Variants in NCOR1 observed in about 807,000 individuals in gnomAD.
NCOR1 encodes the protein protein phosphatase 1, regulatory subunit 109.
A neutral mutation model predicts 288.1 loss-of-function variants in NCOR1; 63 were observed. That is an observed-to-expected ratio of 0.22 (90% CI 0.18 to 0.27). The LOEUF (loss-of-function observed/expected upper bound fraction) is 0.27. Among genes scored for constraint, NCOR1 ranks in the 10% least tolerant of loss-of-function variants. The probability of loss-of-function intolerance (pLI) is 1.00; values close to 1 mark genes in which losing one functional copy is unlikely to be tolerated. For synonymous variants in NCOR1, 1,007 were observed against 1,065.9 expected (o/e 0.94, Z 1.08); for missense variants, 2,397 against 3,019.2 (o/e 0.79, Z 4.83).
At chr17:16,080,105 C>T in intron 25 of NCOR1, 41 bp from the exon 26 acceptor site, 1 of 1,545,344 alleles carries the variant, frequency 6.5e-7, no homozygotes, top group Non-Finnish European at 8.9e-7. Flanking sequence ...CACCCCCAGC[C>T]CCTGCCCCAA....
chr17:16,172,661 T>C (rs767265239), intron 3 of NCOR1, among the ~76,000 whole-genome samples: 4 of 152,178 alleles, frequency 2.6e-5, no homozygotes, highest in African/African-American at 4.8e-5. Context: ...AAATCCAACA[T>C]TGCTTCTAAA....
At chr17:16,072,900 AT>A (rs1347801268) in intron 28 of NCOR1, among the ~76,000 whole-genome samples, 1 of 152,226 alleles carries the variant, frequency 6.6e-6, no homozygotes, top group African/African-American at 2.4e-5. Flanking sequence ...TACTGAAGCC[AT>A]ATCACATGAG....
chr17:16,070,094 T>C lies in NCOR1; in HGVS notation c.4513+71A>G. On this transcript the variant is annotated intron_variant, in intron 31 of 45. Transcript: ENST00000268712. ...AAGCTGACAATTTGATATTTACTAC[T>C]TGACAAAGGTTTTTTTTTTTTTTTT... is the stretch of plus-strand genomic sequence containing the variant. The C allele has an allele frequency of 2.0e-6, 3 of 1,489,144 alleles. No individual in the cohort carries two copies. In the South Asian group the frequency reaches 4.1e-5, roughly 21 times the overall value. 92.2% of individuals were successfully genotyped at this position (1,489,144 alleles called of 1,614,324 possible).
At chr17:16,160,563 G>A (rs1011386457) in intron 5 of NCOR1, among the ~76,000 whole-genome samples, 15 of 152,116 alleles carry the variant, frequency 9.9e-5, no homozygotes, top group East Asian at 7.7e-4. Flanking sequence ...AGGCCAAGAC[G>A]GTAGATCACT....
chr17:16,208,854 G>T (rs1262696121), intron 1 of NCOR1, among the ~76,000 whole-genome samples: 6 of 151,822 alleles, frequency 4.0e-5, no homozygotes, highest in Non-Finnish European at 5.9e-5. Flanking sequence ...AAAAAAAAAA[G>T]AAATATTTTG....
intron 14 of NCOR1, among the ~76,000 whole-genome samples, chr17:16,136,212 G>C (rs1350236496): frequency 6.6e-6 from 1 of 152,100 alleles, no homozygotes; most frequent in Non-Finnish European, 1.5e-5. Flanking sequence ...GGAGACAGAG[G>C]TCTTGCTCTG....
chr17:16,031,330 G>A lies in NCOR1; in HGVS notation c.*966C>T, dbSNP rs1971947913. The A allele has an allele frequency of 5.3e-6, 1 of 189,836 alleles. No individual in the cohort carries two copies. The highest frequency in any genetic ancestry group is 1.9e-4 in the South Asian group (1 of 5,148). The allele number at this position is 189,836 out of a possible 1,614,324, so 11.8% of individuals were successfully genotyped here. The stretch of plus-strand genomic sequence containing the variant: ...CCAACCAATCATATATTCAAACTAA[G>A]GGAAAAATATGTAAGCTTTTCCTTT... On this transcript the variant is annotated 3_prime_UTR_variant, in exon 46 of 46. Coordinates refer to ENST00000268712, the MANE Select transcript of NCOR1 (RefSeq NM_006311.4).
intron 18 of NCOR1, among the ~76,000 whole-genome samples, chr17:16,116,375 G>A (rs1030595519): frequency 3.3e-5 from 5 of 152,148 alleles, no homozygotes; most frequent in African/African-American, 7.2e-5. Flanking sequence ...AACAACTATC[G>A]CATTTGCTAT....
chr17:16,187,805 T>C (rs2087004175), intron 2 of NCOR1, among the ~76,000 whole-genome samples: 1 of 150,470 alleles, frequency 6.6e-6, no homozygotes, highest in South Asian at 2.1e-4. Context: ...TAGGCTAAGG[T>C]GGGAGGCTTG....
intron 16 of NCOR1, among the ~76,000 whole-genome samples, chr17:16,119,985 AAAAACAAAAC>A (rs917191086): frequency 2.0e-3 from 303 of 152,286 alleles, no homozygotes; most frequent in Non-Finnish European, 3.2e-3. Context: ...GCTTCAGGAA[AAAAACAAAAC>A]AAAACAAAAC....
At chr17:16,201,539 A>T (rs2090809109) in intron 1 of NCOR1, among the ~76,000 whole-genome samples, 1 of 152,192 alleles carries the variant, frequency 6.6e-6, no homozygotes, top group East Asian at 1.9e-4. Context: ...CAGAGGTTGC[A>T]GTGAGACAAG....
intron 11 of NCOR1, among the ~76,000 whole-genome samples, chr17:16,141,956 T>C (rs1294813748): frequency 6.6e-6 from 1 of 152,166 alleles, no homozygotes; most frequent in Non-Finnish European, 1.5e-5. Flanking sequence ...AAAACAGCCA[T>C]TAATTATAGC....
At chr17:16,077,450 AAGGAGAGGAGAGGGGAGGAGAGGGG>A (rs2062644731) in intron 26 of NCOR1, among the ~76,000 whole-genome samples, 2 of 99,804 alleles carry the variant, frequency 2.0e-5, no homozygotes, top group Non-Finnish European at 4.3e-5. Flanking sequence ...AAGGAAAGGG[AAGGAGAGGAGAGGGGAGGAGAGGGG>A]AGGAGAGGGG....
At chr17:16,134,956 G>A (rs1177129966) in intron 14 of NCOR1, among the ~76,000 whole-genome samples, 1 of 152,006 alleles carries the variant, frequency 6.6e-6, no homozygotes, top group Non-Finnish European at 1.5e-5. Context: ...TCAGGAGATC[G>A]AGACCATCCT....
rs559075378 is a variant in NCOR1, at chr17:16,120,270, C to T, written c.1852+782G>A. ...CTGTCTAAACTGACCTCCACAATTGCTATCAGTTAACTTCCAAAGACACAA... is the reference window on the plus strand; with the variant it reads ...CTGTCTAAACTGACCTCCACAATTGTTATCAGTTAACTTCCAAAGACACAA... On this transcript the variant is annotated intron_variant, in intron 16 of 45. Transcript: ENST00000268712. 5.3e-5 allele frequency among the ~76,000 whole-genome samples: 8 copies of T among 152,242 alleles called. No homozygotes were observed. In the South Asian group the frequency reaches 1.7e-3, roughly 32 times the overall value.
intron 3 of NCOR1, among the ~76,000 whole-genome samples, chr17:16,174,042 G>A (rs796175533): frequency 1.5e-4 from 23 of 152,240 alleles, no homozygotes; most frequent in Admixed American, 6.5e-4. Flanking sequence ...AACATTGCTC[G>A]AAGAAATAAA....
At chr17:16,094,298 A>G (rs1265827069) in intron 21 of NCOR1, among the ~76,000 whole-genome samples, 1 of 152,236 alleles carries the variant, frequency 6.6e-6, no homozygotes, top group East Asian at 1.9e-4. Flanking sequence ...ACATTATCTT[A>G]AACTAATCAC....
At chr17:16,068,181 G>T in intron 31 of NCOR1, 60 bp from the exon 32 acceptor site, 1 of 1,334,538 alleles carries the variant, frequency 7.5e-7, no homozygotes, top group Non-Finnish European at 1.1e-6. Flanking sequence ...GATAATATTT[G>T]TCCATTTCTC....
intron 19 of NCOR1, among the ~76,000 whole-genome samples, chr17:16,106,556 T>C (rs1260657274): frequency 6.6e-6 from 1 of 152,062 alleles, no homozygotes; most frequent in African/African-American, 2.4e-5. Flanking sequence ...CTCAGATGTG[T>C]TTTAGGAAAA....
Sources: allele counts gnomAD v4.1 joint callset (sites outside exome capture counted in the v4.1 genomes callset), GRCh38; gene constraint gnomAD v4.1.1; transcripts MANE v1.5; gene names NCBI Gene and HGNC (gene_info 2026-07-23, HGNC 2026-07-21).